Variants in SPICE1 observed in about 807,000 individuals in gnomAD.
SPICE1 encodes spindle and centriole-associated protein 1.
In SPICE1, 75 loss-of-function variants were observed where a neutral mutation model predicts 102.7. The ratio of observed to expected loss-of-function variants is 0.73; its 90% CI spans 0.61 to 0.88. SPICE1 has a LOEUF of 0.88. Among genes scored for constraint, SPICE1 ranks in the 40% least tolerant of loss-of-function variants. The pLI is 0.00. For synonymous variants in SPICE1, 308 were observed against 350.3 expected, an observed-to-expected ratio of 0.88 and a Z score of 1.35; for missense variants, 979 against 1,020.1, an observed-to-expected ratio of 0.96 and a Z score of 0.55.
At chr3:113,511,581 G>A (rs1421624941) in intron 1 of SPICE1, among the ~76,000 whole-genome samples, 1 of 152,106 alleles carries the variant, frequency 6.6e-6, no homozygotes, top group East Asian at 1.9e-4. Flanking sequence ...GACACAGGGA[G>A]GGGAGCAACA....
chr3:113,507,820 C>A (rs1485189697), intron 1 of SPICE1, among the ~76,000 whole-genome samples: 1 of 152,090 alleles, frequency 6.6e-6, no homozygotes, highest in Non-Finnish European at 1.5e-5. Context: ...TCACAATAAC[C>A]CCATGAGGTA....
intron 16 of SPICE1, among the ~76,000 whole-genome samples, chr3:113,447,822 G>C (rs1935551337): frequency 6.6e-6 from 1 of 152,030 alleles, no homozygotes; most frequent in East Asian, 1.9e-4. Context: ...TCTCACTTTT[G>C]TTTTCAGTAG....
At position 113,451,330 on chromosome 3, in the gene SPICE1, C is replaced by CA. The variant is rs200990390; in HGVS notation, c.2143-815dup. 1.8e-3 allele frequency among the ~76,000 whole-genome samples: 271 copies of CA among 152,154 alleles called. 8 individuals are homozygous for CA. The East Asian group carries it at 0.043, about 24-fold the overall frequency. On this transcript the variant is annotated intron_variant, in intron 14 of 17. Coordinates refer to ENST00000295872, the MANE Select transcript of SPICE1 (RefSeq NM_144718.4). ...AAATTTAATTTGAAAATTCCCCCCC[C>CA]AAATGTGCTTATGTCATTCCTAATT...
intron 13 of SPICE1, among the ~76,000 whole-genome samples, chr3:113,454,526 T>C (rs1935736600): frequency 6.6e-6 from 1 of 152,054 alleles, no homozygotes; most frequent in Non-Finnish European, 1.5e-5. Flanking sequence ...CTGGCCAACA[T>C]AGTGAAACTC....
chr3:113,494,258 A>G, intron 4 of SPICE1, 116 bp from the exon 5 acceptor site: 1 of 627,196 alleles, frequency 1.6e-6, no homozygotes, highest in Non-Finnish European at 2.7e-6. Flanking sequence ...CTACCTTCCT[A>G]AAAACCTTCA....
chr3:113,489,132 T>TC (rs1936711318), intron 6 of SPICE1, 69 bp from the exon 7 acceptor site: 14 of 1,004,216 alleles, frequency 1.4e-5, no homozygotes, highest in Non-Finnish European at 2.1e-5. Flanking sequence ...TTTTTTTTTT[T>TC]CTGTCATAAC....
chr3:113,476,281 A>G (rs1189545408), intron 7 of SPICE1, among the ~76,000 whole-genome samples: 1 of 151,094 alleles, frequency 6.6e-6, no homozygotes, highest in African/African-American at 2.5e-5. Context: ...AATGAAATAA[A>G]AGAGGATACA....
intron 7 of SPICE1, among the ~76,000 whole-genome samples, chr3:113,469,989 G>C (rs1224100609): frequency 6.6e-6 from 1 of 152,212 alleles, no homozygotes; most frequent in African/African-American, 2.4e-5. Flanking sequence ...GGAGGGGCTA[G>C]ATAGAGTGAG....
rs1020728790 is a variant in SPICE1 at position 113,475,930 on chromosome 3, G to C, written c.612-6692C>G. On this transcript the variant is annotated intron_variant, in intron 7 of 17. Transcript: ENST00000295872. ...ATTCAACATAGTGTTGGAAGTTCTG[G>C]CCAGGGCAATTAGGCAGGAGAAGGA... Among the ~76,000 whole-genome samples, 585 of 152,226 alleles carry C rather than the reference G, an allele frequency of 3.8e-3. 10 individuals carry two copies. Among genetic ancestry groups the C allele is most frequent in the Non-Finnish European group, 1.0e-3 (69 of 68,016 alleles).
chr3:113,488,962 A>G lies in SPICE1; in HGVS notation c.594T>C (p.Ser198=). The G allele has an allele frequency of 6.2e-7, 1 of 1,609,668 alleles. No homozygotes were observed. Among genetic ancestry groups the G allele is most frequent in the Non-Finnish European group, 8.5e-7 (1 of 1,175,992 alleles). ...ACACATACCTGTCTGTATTCGTGTT[A>G]GACTGAGAGTTTAGAGAGTTATCCA... The part of the protein sequence containing the change: ...NELDNSLNSQ[S]NTNTDRFLQQ... The change falls in exon 7 of 18, where the codon TCT becomes TCC. Residue 198 remains serine (S), a synonymous_variant. Transcript: ENST00000295872.
intron 4 of SPICE1, among the ~76,000 whole-genome samples, chr3:113,497,520 C>A (rs1936917695): frequency 6.6e-6 from 1 of 151,988 alleles, no homozygotes; most frequent in Non-Finnish European, 1.5e-5. Context: ...AGAGAAAATA[C>A]CTGAATCCTG....
chr3:113,489,780 C>T (rs7628664), intron 6 of SPICE1, among the ~76,000 whole-genome samples: 5,745 of 143,312 alleles, frequency 0.04, 358 homozygotes, highest in African/African-American at 0.14. Flanking sequence ...CCAGGAAGGT[C>T]GAGGCTGCAG....
At chr3:113,487,218 G>A (rs561763813) in intron 7 of SPICE1, among the ~76,000 whole-genome samples, 7 of 152,132 alleles carry the variant, frequency 4.6e-5, no homozygotes, top group African/African-American at 7.2e-5. Flanking sequence ...ATGTATTGCA[G>A]GATTGAATAT....
At chr3:113,494,170 T>A in intron 4 of SPICE1, 28 bp from the exon 5 acceptor site, 2 of 1,433,260 alleles carry the variant, frequency 1.4e-6, no homozygotes, top group Non-Finnish European at 1.9e-6. Flanking sequence ...ACAAATATTA[T>A]TATTCAGATT....
intron 11 of SPICE1, among the ~76,000 whole-genome samples, chr3:113,464,719 C>T (rs1576627618): frequency 6.6e-6 from 1 of 152,256 alleles, no homozygotes; most frequent in Non-Finnish European, 1.5e-5. Context: ...AGACTGTGTA[C>T]ACTCAAGAAG....
intron 3 of SPICE1, among the ~76,000 whole-genome samples, chr3:113,502,383 A>G (rs192391246): frequency 3.9e-5 from 6 of 152,326 alleles, no homozygotes; most frequent in African/African-American, 4.8e-5. Context: ...CAAAGAAGCT[A>G]GACACAAAAG....
At chr3:113,505,056 C>A (rs2107506286) in intron 2 of SPICE1, among the ~76,000 whole-genome samples, 1 of 152,194 alleles carries the variant, frequency 6.6e-6, no homozygotes, top group East Asian at 1.9e-4. Flanking sequence ...TCCAGGACAC[C>A]CACATATACC....
intron 14 of SPICE1, among the ~76,000 whole-genome samples, chr3:113,452,615 T>C (rs181525013): frequency 0.011 from 1,607 of 146,878 alleles, 27 homozygotes; most frequent in African/African-American, 0.037. Context: ...ACCCAGGAGG[T>C]GGCGGTTGCA....
intron 7 of SPICE1, among the ~76,000 whole-genome samples, chr3:113,475,036 G>C (rs927200100): frequency 6.6e-6 from 1 of 152,090 alleles, no homozygotes; most frequent in Non-Finnish European, 1.5e-5. Flanking sequence ...TAGACTGCTA[G>C]CAAGATTAAT....
Sources: allele counts gnomAD v4.1 joint callset (sites outside exome capture counted in the v4.1 genomes callset), GRCh38; gene constraint gnomAD v4.1.1; transcripts MANE v1.5; gene names NCBI Gene and HGNC (gene_info 2026-07-23, HGNC 2026-07-21).